P3H2: variants seen among roughly 807,000 people sequenced by gnomAD.
P3H2 encodes leprecan-like 1.
A neutral mutation model predicts 87.0 loss-of-function variants in P3H2; 80 were observed. The observed-to-expected ratio is 0.92, with a 90% CI of 0.77 to 1.11. The LOEUF (loss-of-function observed/expected upper bound fraction) is 1.11, where lower values mean the gene tolerates loss of function less well. P3H2 is among the 50% of genes least tolerant of loss of function. The probability of loss-of-function intolerance (pLI) is 0.00; values close to 1 mark genes in which losing one functional copy is unlikely to be tolerated. For synonymous variants in P3H2, 367 were observed against 359.3 expected (o/e 1.02, Z -0.24); for missense variants, 1,001 against 923.9 (o/e 1.08, Z -1.08).
intron 8 of P3H2, among the ~76,000 whole-genome samples, chr3:189,979,527 C>T (rs971117905): frequency 6.6e-6 from 1 of 152,042 alleles, no homozygotes; most frequent in African/African-American, 2.4e-5. Flanking sequence ...AAAATTGAGT[C>T]ACTAGATCTT....
chr3:189,998,492 T>C (rs1222644689), intron 1 of P3H2, among the ~76,000 whole-genome samples: 3 of 152,186 alleles, frequency 2.0e-5, no homozygotes, highest in East Asian at 3.9e-4. Context: ...CCTGTAGCCA[T>C]AGTTGGGTAC....
chr3:190,078,246 G>A (rs930249425), intron 1 of P3H2, among the ~76,000 whole-genome samples: 13 of 152,106 alleles, frequency 8.5e-5, no homozygotes, highest in African/African-American at 3.1e-4. Context: ...TTTACTTATT[G>A]TATCTTCAGT....
At chr3:189,969,467 G>T (rs866462732) in intron 13 of P3H2, 15 of 907,126 alleles carry the variant, frequency 1.7e-5, no homozygotes, top group South Asian at 4.0e-5. Context: ...CACTCCTCTA[G>T]CACAACAATG....
chr3:190,045,021 T>C (rs900507802), intron 1 of P3H2, among the ~76,000 whole-genome samples: 1 of 152,180 alleles, frequency 6.6e-6, no homozygotes, highest in African/African-American at 2.4e-5. Context: ...TCTGAGTAAG[T>C]ATTTAATAAC....
chr3:190,027,990 C>T (rs1027471951), intron 1 of P3H2, among the ~76,000 whole-genome samples: 59 of 151,700 alleles, frequency 3.9e-4, no homozygotes, highest in African/African-American at 1.4e-3. Context: ...AATAAAGAAC[C>T]AGGCTTCCAC....
chr3:189,959,299 C>A (rs536534051), intron 14 of P3H2, among the ~76,000 whole-genome samples: 22 of 151,186 alleles, frequency 1.5e-4, no homozygotes, highest in African/African-American at 5.1e-4. Context: ...TACATGTGCA[C>A]AATGTGCAGG....
chr3:190,040,777 G>C (rs1463527110), intron 1 of P3H2, among the ~76,000 whole-genome samples: 1 of 151,776 alleles, frequency 6.6e-6, no homozygotes, highest in Non-Finnish European at 1.5e-5. Flanking sequence ...GAGCTGATTA[G>C]CATGCAATCC....
intron 1 of P3H2, among the ~76,000 whole-genome samples, chr3:190,065,054 G>A (rs1726453810): frequency 6.6e-6 from 1 of 152,134 alleles, no homozygotes; most frequent in East Asian, 1.9e-4. Context: ...AACTGCTTAT[G>A]CCAGAAGGCA....
At chr3:190,120,207 T>G in intron 1 of P3H2, 45 bp downstream of exon 1, 1 of 1,593,688 alleles carries the variant, frequency 6.3e-7, no homozygotes, top group Non-Finnish European at 8.5e-7. Context: ...AGAGAGCGTG[T>G]GAGAGCCGCA....
chr3:189,986,636 G>T, intron 6 of P3H2, 152 bp downstream of exon 6: 1 of 656,548 alleles, frequency 1.5e-6, no homozygotes. Flanking sequence ...CATATATTGA[G>T]TAAATATCTC....
chr3:189,971,810 A>G, intron 12 of P3H2, 80 bp downstream of exon 12: 1 of 883,078 alleles, frequency 1.1e-6, no homozygotes, highest in Non-Finnish European at 1.9e-6. Flanking sequence ...GACGTCAAGC[A>G]AAACAGAGCA....
intron 1 of P3H2, among the ~76,000 whole-genome samples, chr3:190,099,079 A>C (rs1711526401): frequency 6.6e-6 from 1 of 152,160 alleles, no homozygotes; most frequent in Non-Finnish European, 1.5e-5. Context: ...GCTTAATAGT[A>C]GATATAAGAA....
intron 1 of P3H2, among the ~76,000 whole-genome samples, chr3:190,080,433 T>C (rs530275575): frequency 5.9e-5 from 9 of 152,280 alleles, no homozygotes; most frequent in Admixed American, 4.6e-4. Context: ...ATTTTGCTCT[T>C]GTTGGCCAGG....
chr3:190,054,562 G>C (rs1726090157), intron 1 of P3H2, among the ~76,000 whole-genome samples: 1 of 151,978 alleles, frequency 6.6e-6, no homozygotes, highest in African/African-American at 2.4e-5. Flanking sequence ...GCTTTGATTG[G>C]ACCTCTACAG....
At chr3:190,051,655 A>C (rs2108961239) in intron 1 of P3H2, among the ~76,000 whole-genome samples, 1 of 152,406 alleles carries the variant, frequency 6.6e-6, no homozygotes, top group Admixed American at 6.5e-5. Flanking sequence ...AAAAAATAAC[A>C]GAAACCTGCA....
intron 1 of P3H2, among the ~76,000 whole-genome samples, chr3:190,015,555 T>A (rs538613040): frequency 9.7e-4 from 147 of 152,148 alleles, no homozygotes; most frequent in African/African-American, 3.4e-3. Context: ...GCATGAACTT[T>A]TTTTGTCTCC....
rs1008566376 is a variant in P3H2 at position 190,114,328 on chromosome 3, C to G, written c.480+5924G>C. 2.7e-5 allele frequency among the ~76,000 whole-genome samples: 4 copies of G among 150,644 alleles called. No individual in the cohort carries two copies. The East Asian group carries it at 8.0e-4, about 30-fold the overall frequency. Reference sequence around the variant, plus strand: ...CCTCCCGAGTAGCTGGGACTACAGGCGCCTGCCACCACGCCCGCCTAATTT... The same window carrying G: ...CCTCCCGAGTAGCTGGGACTACAGGGGCCTGCCACCACGCCCGCCTAATTT... On this transcript the variant is annotated intron_variant, in intron 1 of 14. Transcript: ENST00000319332.
chr3:189,991,355 G>A (rs549474983), intron 3 of P3H2, among the ~76,000 whole-genome samples: 2 of 152,270 alleles, frequency 1.3e-5, no homozygotes, highest in Non-Finnish European at 2.9e-5. Flanking sequence ...ATTTTTGATA[G>A]CTATACCCTA....
chr3:189,957,726 A>AGAGAG lies in P3H2; in HGVS notation c.*185_*186insCTCTC. On this transcript the variant is annotated 3_prime_UTR_variant, in exon 15 of 15. Coordinates refer to ENST00000319332, the MANE Select transcript of P3H2 (RefSeq NM_018192.4). ...AGAGAGAGAGAGAGAGAGAGAGAGA[A>AGAGAG]AACAACCCAAAACAAGAAAGATAGA... 1 of 528,392 alleles carries AGAGAG rather than the reference A, an allele frequency of 1.9e-6. No homozygotes were observed. The highest frequency in any genetic ancestry group is 3.4e-6 in the Non-Finnish European group (1 of 296,004). The allele number at this position is 528,392 out of a possible 1,614,324, so 32.7% of individuals were successfully genotyped here.
Sources: gnomAD v4.1 joint callset for allele counts (sites outside exome capture counted in the v4.1 genomes callset) on GRCh38, gnomAD v4.1.1 for gene constraint, MANE v1.5 for transcripts, NCBI Gene and HGNC (gene_info 2026-07-23, HGNC 2026-07-21) for gene names.